The following DHPS variants were observed in gnomAD, a reference collection of about 807,000 sequenced individuals.
DHPS encodes deoxyhypusine synthase.
In DHPS, 24 loss-of-function variants were observed where a neutral mutation model predicts 38.7. The observed-to-expected ratio is 0.62, with a 90% CI of 0.45 to 0.87. The LOEUF (loss-of-function observed/expected upper bound fraction) is 0.87, where lower values mean the gene tolerates loss of function less well. Ranked by LOEUF, DHPS falls within the 40% of genes least tolerant of loss-of-function variation. DHPS has a pLI of 0.00. For synonymous variants in DHPS, 250 were observed against 204.4 expected (o/e 1.22, Z -1.90); for missense variants, 510 against 497.6 (o/e 1.02, Z -0.24).
At chr19:12,677,594 A>G (rs1177430149) in intron 5 of DHPS, among the ~76,000 whole-genome samples, 198 bp from the exon 6 acceptor site, 1 of 152,146 alleles carries the variant, frequency 6.6e-6, no homozygotes, top group East Asian at 1.9e-4. Flanking sequence ...TGCCTGGCAC[A>G]TAAAGAACCA....
rs1305108972 is a variant in DHPS at position 12,681,858 on chromosome 19, C to A, written c.-92G>T. The stretch of plus-strand genomic sequence containing the variant: ...TTAAACCCCGACGCGCGCGTCTCCG[C>A]AAGAGCACAGGAAGTAGGGAACGTG... On this transcript the variant is annotated 5_prime_UTR_variant, in exon 1 of 9. Coordinates refer to ENST00000210060, the MANE Select transcript of DHPS (RefSeq NM_001930.4). The A allele has an allele frequency of 8.7e-7, 1 of 1,152,500 alleles. No homozygotes were observed. Among genetic ancestry groups the A allele is most frequent in the Non-Finnish European group, 1.2e-6 (1 of 803,668 alleles). 71.4% of individuals were successfully genotyped at this position (1,152,500 alleles called of 1,614,324 possible).
chr19:12,681,730 C>A lies in DHPS; in HGVS notation c.37G>T (p.Ala13Ser), dbSNP rs751232733. 8 of 1,612,340 alleles carry A rather than the reference C, an allele frequency of 5.0e-6. No individual in the cohort carries two copies. The highest frequency in any genetic ancestry group is 3.3e-5 in the South Asian group (3 of 91,064). ...CTGTGCTTTAGCACGGCGGCCAGCG[C>A]CCCCGCTGGCGCCTCCCGTTCCAGG... The part of the protein sequence containing the change: ...GSLEREAPAG[A>S]LAAVLKHSST... The change falls in exon 1 of 9, where the codon GCG becomes TCG. Residue 13 changes from alanine to serine, a missense_variant. Physicochemically the swap from Ala to Ser is moderately conservative, Grantham distance 99. Coordinates refer to ENST00000210060, the MANE Select transcript of DHPS (RefSeq NM_001930.4).
Position 12,679,534 on chromosome 19 carries a change from A to T in DHPS, c.601T>A (p.Trp201Arg), listed in dbSNP as rs889413585. ...CGGGCGATCATCTTAGAAGGCGTCC[A>T]CTTTACACCCTAGGAGAGGATGTGA... is the stretch of plus-strand genomic sequence containing the variant. ...VMEQNTEGVK[W>R]TPSKMIARLG... The change falls in exon 5 of 9, where the codon TGG (tryptophan) becomes AGG (arginine). Residue 201 changes from tryptophan (W) to arginine (R), a missense_variant. Coordinates refer to ENST00000210060, the MANE Select transcript of DHPS (RefSeq NM_001930.4). 2 of 1,614,018 alleles carry T rather than the reference A, an allele frequency of 1.2e-6. No homozygotes were observed. Among genetic ancestry groups the T allele is most frequent in the Non-Finnish European group, 1.7e-6 (2 of 1,180,016 alleles).
chr19:12,674,043 G>A (rs2024498111), downstream of DHPS, among the ~76,000 whole-genome samples: 1 of 152,186 alleles, frequency 6.6e-6, no homozygotes, highest in South Asian at 2.1e-4. Flanking sequence ...TCCAGGCAAA[G>A]GGAACAGCAT....
Position 12,681,731 on chromosome 19 carries a change from C to A in DHPS, c.36G>T (p.Gly12=), listed in dbSNP as rs931419498. Residue 12 remains glycine, a synonymous_variant, in exon 1 of 9, where the codon GGG becomes GGT. Coordinates refer to ENST00000210060, the MANE Select transcript of DHPS (RefSeq NM_001930.4). ...TGTGCTTTAGCACGGCGGCCAGCGC[C>A]CCCGCTGGCGCCTCCCGTTCCAGGG... ...EGSLEREAPA[G]ALAAVLKHSS... 1 of 1,612,530 alleles carries A rather than the reference C, an allele frequency of 6.2e-7. No homozygotes were observed.
chr19:12,675,429 T>A, downstream of DHPS: 3 of 1,516,200 alleles, frequency 2.0e-6, no homozygotes, highest in Non-Finnish European at 2.6e-6. Flanking sequence ...GACTGAGGGC[T>A]TCAGGCAGGA....
Position 12,680,239 on chromosome 19 carries a change from G to A in DHPS, c.294C>T (p.Thr98=), listed in dbSNP as rs866304906. ...TQSRRPLTSC[T]IFLGYTSNLI... is the part of the protein sequence containing the mutation. ...GGTTGGATGTATATCCCAGGAAAAT[G>A]GTGCAGCTGGTAAGTGGGCGGCGGC... Residue 98 remains threonine (T), a synonymous_variant, in exon 2 of 9, where the codon ACC becomes ACT. Coordinates refer to ENST00000210060, the MANE Select transcript of DHPS (RefSeq NM_001930.4). The A allele has an allele frequency of 1.2e-6, 2 of 1,614,032 alleles. No homozygotes were observed. Among genetic ancestry groups the A allele is most frequent in the African/African-American group, 1.3e-5 (1 of 74,916 alleles).
In DHPS at chr19:12,679,665, C is replaced by A; in HGVS notation, c.549G>T (p.Leu183=). The A allele has an allele frequency of 6.2e-6, 10 of 1,614,216 alleles. No individual in the cohort carries two copies. The highest frequency in any genetic ancestry group is 1.3e-5 in the African/African-American group (1 of 75,048). The stretch of plus-strand genomic sequence containing the variant: ...TCACCATCTGGTCCAGAATGGGCAT[C>A]AGCCAGTCCTCAAACTTGCAGTAAT... The part of the protein sequence containing the change: ...NENYCKFEDW[L]MPILDQMVME... Residue 183 remains leucine (L), a synonymous_variant, in exon 4 of 9, where the codon CTG becomes CTT. Coordinates refer to ENST00000210060, the MANE Select transcript of DHPS (RefSeq NM_001930.4).
downstream of DHPS, among the ~76,000 whole-genome samples, chr19:12,675,318 C>G (rs1384949468): frequency 2.0e-5 from 3 of 152,134 alleles, no homozygotes; most frequent in Admixed American, 6.6e-5. Context: ...GGCCTGAACA[C>G]CTGGTAGGAC....
chr19:12,681,632 C>G lies in DHPS; in HGVS notation c.135G>C (p.Leu45=), dbSNP rs1299514201. The part of the protein sequence containing the change: ...DFNRGVNYRA[L]LEAFGTTGFQ... The stretch of plus-strand genomic sequence containing the variant: ...AGCCGGTGGTGCCGAAGGCCTCCAG[C>G]AGTGCGCGGTAATTCACACCGCGGT... The change falls in exon 1 of 9, where the codon CTG becomes CTC. Residue 45 remains leucine (L), a synonymous_variant. Coordinates refer to ENST00000210060, the MANE Select transcript of DHPS (RefSeq NM_001930.4). The G allele has an allele frequency of 1.2e-6, 2 of 1,614,092 alleles. No individual in the cohort carries two copies. Among genetic ancestry groups the G allele is most frequent in the Non-Finnish European group, 1.7e-6 (2 of 1,180,044 alleles).
At chr19:12,678,018 C>T (rs185156993) in intron 5 of DHPS, among the ~76,000 whole-genome samples, 196 of 150,508 alleles carry the variant, frequency 1.3e-3, no homozygotes, top group African/African-American at 4.6e-3. Flanking sequence ...TTTGGGAGGC[C>T]GAGGCGGGTG....
At chr19:12,676,291 C>T in intron 7 of DHPS, 149 bp from the exon 8 acceptor site, 1 of 1,040,636 alleles carries the variant, frequency 9.6e-7, no homozygotes, top group Non-Finnish European at 1.3e-6. Flanking sequence ...GGGCCCATGT[C>T]AATGTCTGGG....
At chr19:12,681,533 T>A in intron 1 of DHPS, 27 bp downstream of exon 1, 1 of 1,613,580 alleles carries the variant, frequency 6.2e-7, no homozygotes, top group Non-Finnish European at 8.5e-7. Flanking sequence ...CCCCTCCGCG[T>A]CCCTAGAAAT....
At chr19:12,676,749 C>G in intron 7 of DHPS, 1 of 311,794 alleles carries the variant, frequency 3.2e-6, no homozygotes, top group South Asian at 3.1e-5. Context: ...GGGAACTTTG[C>G]AATCCAGAAG....
At position 12,679,945 on chromosome 19, in the gene DHPS, T is replaced by C. The variant is rs780519605; in HGVS notation, c.373-23A>G. Reference sequence around the variant, plus strand: ...CACCTGCAGCCACAAGGCAGTGAATTTGGCCCAAGAAGGAAGCCCCTGCCC... The same window carrying C: ...CACCTGCAGCCACAAGGCAGTGAATCTGGCCCAAGAAGGAAGCCCCTGCCC... On this transcript the variant is annotated intron_variant, in intron 2 of 8. Transcript: ENST00000210060. 30 of 1,604,142 alleles carry C rather than the reference T, an allele frequency of 1.9e-5. No homozygotes were observed. The African/African-American group carries it at 3.3e-4, about 18-fold the overall frequency.
chr19:12,677,096 A>AC lies in DHPS; in HGVS notation c.888+11dup. 1 of 1,612,870 alleles carries AC rather than the reference A, an allele frequency of 6.2e-7. No homozygotes were observed. Among genetic ancestry groups the AC allele is most frequent in the South Asian group, 1.1e-5 (1 of 91,032 alleles). On this transcript the variant is annotated intron_variant, in intron 7 of 8. Transcript: ENST00000210060. ...TGTCTGCAGAGTGGGCCGAAGCGCC[A>AC]CCCCCACTCACCATGAGGTTGGCAT...
At chr19:12,672,948 A>G (rs777942412), downstream of DHPS, 3 of 1,595,450 alleles carry the variant, frequency 1.9e-6, no homozygotes, top group South Asian at 1.1e-5. Context: ...ACAGGCAGGG[A>G]AGATGGGGGG....
rs1169132126 is a variant in DHPS, at chr19:12,681,663, T to G, written c.104A>C (p.Asp35Ala). ...PPESTQVRGY[D>A]FNRGVNYRAL... The stretch of plus-strand genomic sequence containing the variant: ...GCGGTAATTCACACCGCGGTTGAAG[T>G]CGTAGCCCCGGACCTGGGTGCTTTC... The change falls in exon 1 of 9, where the codon GAC becomes GCC. Residue 35 changes from aspartate to alanine, a missense_variant. By Grantham distance (126) the Asp-to-Ala change is moderately radical. Transcript: ENST00000210060. 3 of 1,614,220 alleles carry G rather than the reference T, an allele frequency of 1.9e-6. No homozygotes were observed. Among genetic ancestry groups the G allele is most frequent in the Non-Finnish European group, 2.5e-6 (3 of 1,180,028 alleles).
In DHPS at chr19:12,680,278, C is replaced by A. The variant is rs146415013; in HGVS notation, c.255G>T (p.Ala85=). ...GTGGGCGGCGGCTCTGGGTCAGGTC[C>A]GCGTGCTGGTCTTCATCCTGTGACA... The part of the protein sequence containing the change: ...EPLSQDEDQH[A]DLTQSRRPLT... Residue 85 remains alanine, a synonymous_variant, in exon 2 of 9, where the codon GCG becomes GCT. Transcript: ENST00000210060. 3.7e-6 allele frequency: 6 copies of A among 1,613,996 alleles called. No individual in the cohort carries two copies. Among genetic ancestry groups the A allele is most frequent in the Non-Finnish European group, 5.1e-6 (6 of 1,180,034 alleles).
Sources: allele counts gnomAD v4.1 joint callset (sites outside exome capture counted in the v4.1 genomes callset), GRCh38; gene constraint gnomAD v4.1.1; transcripts MANE v1.5; gene names NCBI Gene and HGNC (gene_info 2026-07-23, HGNC 2026-07-21).